The following SPATA45 variants were observed in gnomAD, a reference collection of about 807,000 sequenced individuals.
SPATA45 encodes the protein spermatogenesis associated 45.
SPATA45 carries 5 observed loss-of-function variants against 7.0 expected under a neutral mutation model. The ratio of observed to expected loss-of-function variants is 0.71; its 90% CI spans 0.37 to 1.50. The LOEUF is 1.50. Among genes scored for constraint, SPATA45 ranks in the 40% most tolerant of loss-of-function variants. The pLI is 0.03. For synonymous variants in SPATA45, 40 were observed against 38.7 expected (o/e 1.03, Z -0.13); for missense variants, 111 against 114.9 (o/e 0.97, Z 0.16).
intron 2 of SPATA45, among the ~76,000 whole-genome samples, chr1:212,833,550 C>A (rs1663528096): frequency 1.3e-5 from 2 of 150,306 alleles, no homozygotes; most frequent in South Asian, 4.3e-4. Context: ...GGCAGGCAAT[C>A]CCAGCTACTT....
At chr1:212,836,762 C>A (rs1663593287) in intron 1 of SPATA45, among the ~76,000 whole-genome samples, 2 of 151,426 alleles carry the variant, frequency 1.3e-5, no homozygotes, top group Non-Finnish European at 3.0e-5. Context: ...AATTCTCCTG[C>A]CTCAGCTTCC....
At chr1:212,830,737 C>T (rs1663471230) in intron 2 of SPATA45, among the ~76,000 whole-genome samples, 1 of 150,182 alleles carries the variant, frequency 6.7e-6, no homozygotes, top group Non-Finnish European at 1.5e-5. Flanking sequence ...AATCCCAGCA[C>T]TTTGAGAGAC....
intron 1 of SPATA45, among the ~76,000 whole-genome samples, chr1:212,843,799 T>C (rs1380223557): frequency 6.6e-6 from 1 of 152,186 alleles, no homozygotes; most frequent in African/African-American, 2.4e-5. Flanking sequence ...ACTAATGACT[T>C]TGAAAGGTCT....
intron 1 of SPATA45, among the ~76,000 whole-genome samples, chr1:212,836,935 G>A (rs559414289): frequency 6.6e-6 from 1 of 151,178 alleles, no homozygotes; most frequent in South Asian, 2.1e-4. Context: ...GGGATTACAG[G>A]CATGAGCCAC....
At chr1:212,837,604 G>C (rs1022166992) in intron 1 of SPATA45, among the ~76,000 whole-genome samples, 2 of 151,600 alleles carry the variant, frequency 1.3e-5, no homozygotes, top group African/African-American at 4.8e-5. Context: ...TTGCACTCCA[G>C]CCTGTGCGAC....
chr1:212,830,971 G>GA (rs946937528), intron 2 of SPATA45, among the ~76,000 whole-genome samples: 2 of 150,228 alleles, frequency 1.3e-5, no homozygotes, highest in Non-Finnish European at 3.0e-5. Context: ...GACAGAGCAA[G>GA]AAAAAATCTC....
intron 1 of SPATA45, 118 bp from the exon 2 acceptor site, chr1:212,836,305 A>G: frequency 1.4e-6 from 1 of 739,658 alleles, no homozygotes. Flanking sequence ...AACCACCACC[A>G]AGCCTCCCAC....
intron 2 of SPATA45, among the ~76,000 whole-genome samples, chr1:212,832,049 G>T (rs1288597652): frequency 1.3e-5 from 1 of 76,634 alleles, no homozygotes. Flanking sequence ...ACGGAGTTTC[G>T]CTCTTGTTGC....
chr1:212,839,902 C>A (rs1663649813), intron 1 of SPATA45, among the ~76,000 whole-genome samples: 2 of 151,328 alleles, frequency 1.3e-5, no homozygotes, highest in African/African-American at 4.8e-5. Context: ...GGGCTGAGTA[C>A]CTAGCACATT....
intron 2 of SPATA45, among the ~76,000 whole-genome samples, chr1:212,834,965 G>A (rs1411389634): frequency 6.6e-6 from 1 of 151,612 alleles, no homozygotes; most frequent in Non-Finnish European, 1.5e-5. Context: ...AGTCTGCTGA[G>A]AATGCAGATT....
intron 1 of SPATA45, among the ~76,000 whole-genome samples, chr1:212,840,153 C>T (rs1020233059): frequency 2.0e-5 from 3 of 151,372 alleles, no homozygotes; most frequent in African/African-American, 7.3e-5. Flanking sequence ...GTGGCTCATG[C>T]CTGTAATCCC....
At position 212,835,997 on chromosome 1, in the gene SPATA45, G is replaced by A. The variant is rs1219074847; in HGVS notation, c.153C>T (p.Phe51=). The A allele has an allele frequency of 6.2e-7, 1 of 1,611,292 alleles. No homozygotes were observed. The highest frequency in any genetic ancestry group is 1.1e-5 in the South Asian group (1 of 90,784). Residue 51 remains phenylalanine (F), a synonymous_variant, in exon 2 of 3, where the codon TTC becomes TTT. Coordinates refer to ENST00000332912, the MANE Select transcript of SPATA45 (RefSeq NM_001024601.3). ...CAGTAAAGGACTGATAGGCATCCGGGAAGTGCCTCTTTTGAACTCTCAGTA... is the reference window on the plus strand; with the variant it reads ...CAGTAAAGGACTGATAGGCATCCGGAAAGTGCCTCTTTTGAACTCTCAGTA... ...VSLLRVQKRH[F]PDAYQSFTDT...
intron 1 of SPATA45, among the ~76,000 whole-genome samples, chr1:212,840,936 TTCTC>T (rs1032775272): frequency 6.6e-6 from 1 of 151,598 alleles, no homozygotes; most frequent in South Asian, 2.1e-4. Context: ...ACCTTTTAAA[TTCTC>T]TCTCTCTCTC....
intron 1 of SPATA45, among the ~76,000 whole-genome samples, chr1:212,843,096 A>ACACACACAC: frequency 1.8e-5 from 1 of 56,728 alleles, no homozygotes; most frequent in Non-Finnish European, 4.2e-5. Context: ...GACTCCGTCA[A>ACACACACAC]ACATACACAC....
At position 212,847,621 on chromosome 1, in the gene SPATA45, G is replaced by C. The variant is rs1442570535; in HGVS notation, c.-80C>G. 7 of 152,058 alleles carry C rather than the reference G, an allele frequency of 4.6e-5. No individual in the cohort carries two copies. The highest frequency in any genetic ancestry group is 4.6e-4 in the Admixed American group (7 of 15,256). 9.4% of individuals were successfully genotyped at this position (152,058 alleles called of 1,614,324 possible). On this transcript the variant is annotated 5_prime_UTR_variant, in exon 1 of 3. Coordinates refer to ENST00000332912, the MANE Select transcript of SPATA45 (RefSeq NM_001024601.3). ...TACAGCAACCCAAAGCGTGTTTCAA[G>C]TCCACTGGTGTGGATTAGCCCACTG...
Position 212,836,195 on chromosome 1 carries a change from C to A in SPATA45, c.-38-8G>T, listed in dbSNP as rs1433072655. On this transcript the variant is annotated splice_region_variant and splice_polypyrimidine_tract_variant and intron_variant, in intron 1 of 2. Coordinates refer to ENST00000332912, the MANE Select transcript of SPATA45 (RefSeq NM_001024601.3). ...CAAGTGATTCTTGCTGTCCTACAAA[C>A]AAATGAAAAAATACTTTCAATTGTC... 6.7e-6 allele frequency: 10 copies of A among 1,501,884 alleles called. No individual in the cohort carries two copies. The highest frequency in any genetic ancestry group is 1.8e-4 in the Middle Eastern group (1 of 5,562). The allele number at this position is 1,501,884 out of a possible 1,614,324, so 93.0% of individuals were successfully genotyped here.
intron 1 of SPATA45, among the ~76,000 whole-genome samples, chr1:212,844,965 C>G (rs984905837): frequency 2.0e-5 from 3 of 151,958 alleles, no homozygotes; most frequent in African/African-American, 7.3e-5. Context: ...AACTTCTGTC[C>G]CTCATGGCCA....
intron 2 of SPATA45, 132 bp from the exon 3 acceptor site, chr1:212,830,393 C>T (rs989678952): frequency 1.5e-5 from 8 of 527,450 alleles, no homozygotes; most frequent in South Asian, 2.5e-5. Flanking sequence ...CCAAATGGGC[C>T]GGGTGCGGTG....
intron 2 of SPATA45, among the ~76,000 whole-genome samples, chr1:212,834,545 G>C (rs565008222): frequency 6.6e-6 from 1 of 151,010 alleles, no homozygotes; most frequent in Non-Finnish European, 1.5e-5. Context: ...CCACCTCTGG[G>C]ATTCAAACAA....
Sources: allele counts gnomAD v4.1 joint callset (sites outside exome capture counted in the v4.1 genomes callset), GRCh38; gene constraint gnomAD v4.1.1; transcripts MANE v1.5; gene names NCBI Gene and HGNC (gene_info 2026-07-23, HGNC 2026-07-21).